Variants in TERF2 observed in about 807,000 individuals in gnomAD.
TERF2 encodes telomeric repeat-binding factor 2.
A neutral mutation model predicts 56.1 loss-of-function variants in TERF2; 16 were observed. The ratio of observed to expected loss-of-function variants is 0.29; its 90% CI spans 0.19 to 0.43. TERF2 has a LOEUF of 0.43. Ranked by LOEUF, TERF2 falls within the 20% of genes least tolerant of loss-of-function variation. The pLI, the probability that TERF2 is intolerant of heterozygous loss-of-function variation, is 1.00. For synonymous variants in TERF2, 296 were observed against 282.1 expected (o/e 1.05, Z -0.50); for missense variants, 547 against 712.9 (o/e 0.77, Z 2.65).
intron 3 of TERF2, among the ~76,000 whole-genome samples, chr16:69,375,615 GTTTT>G (rs886695600): frequency 4.6e-5 from 7 of 151,432 alleles, no homozygotes; most frequent in African/African-American, 1.7e-4. Context: ...TATAGTTAGG[GTTTT>G]TTTTTAATTA....
chr16:69,373,536 G>T (rs1000319754), intron 3 of TERF2, among the ~76,000 whole-genome samples: 2 of 152,148 alleles, frequency 1.3e-5, no homozygotes, highest in Admixed American at 6.5e-5. Context: ...ACAAAAAAAG[G>T]CAAGCCGACT....
chr16:69,361,042 G>A (rs2013118461), intron 8 of TERF2, among the ~76,000 whole-genome samples: 1 of 151,784 alleles, frequency 6.6e-6, no homozygotes, highest in East Asian at 1.9e-4. Flanking sequence ...AGACCAGCCT[G>A]AGCAACAAAG....
chr16:69,361,594 T>G (rs762470442), intron 7 of TERF2, 105 bp from the exon 8 acceptor site: 33 of 815,298 alleles, frequency 4.0e-5, no homozygotes, highest in Non-Finnish European at 6.4e-5. Context: ...TCCTGTCCCG[T>G]TGTGACCACA....
rs761993990 is a variant in TERF2 at position 69,367,059 on chromosome 16, G to A, written c.1088C>T (p.Pro363Leu). Residue 363 changes from proline to leucine, a missense_variant, in exon 7 of 10, where the codon CCA (proline) becomes CTA (leucine). Around this residue, in one of 6 missense-constraint regions of TERF2, gnomAD observed 211 missense variants for 236.8 expected, o/e 0.89. Coordinates refer to ENST00000254942, the MANE Select transcript of TERF2 (RefSeq NM_005652.5). ...KDLVLPTQALPASPALKNKRP... is the reference protein window; with the variant it reads ...KDLVLPTQALLASPALKNKRP... ...CTTGTTTTTGAGGGCTGGTGATGCT[G>A]GGAGAGCTTGAGTAGGAAGAACCAG... is the stretch of plus-strand genomic sequence containing the variant. 1.2e-6 allele frequency: 2 copies of A among 1,614,212 alleles called. No individual in the cohort carries two copies. The highest frequency in any genetic ancestry group is 4.5e-5 in the East Asian group (2 of 44,884).
intron 3 of TERF2, among the ~76,000 whole-genome samples, chr16:69,379,310 CA>C (rs1397466580): frequency 6.6e-6 from 1 of 152,210 alleles, no homozygotes; most frequent in Non-Finnish European, 1.5e-5. Flanking sequence ...AAAGTTCTAA[CA>C]GAGTGTATCT....
chr16:69,365,660 G>C (rs905910082), intron 7 of TERF2: 2 of 152,268 alleles, frequency 1.3e-5, no homozygotes, highest in African/African-American at 4.8e-5. Context: ...CAAGTAGCTG[G>C]GACTACAGGC....
chr16:69,366,941 G>C lies in TERF2; in HGVS notation c.1206C>G (p.Ser402Arg). Reference protein sequence around the residue: ...LQPKNKRMTISRLVLEEDSQS... With the variant: ...LQPKNKRMTIRRLVLEEDSQS... ...GGCTGTCCTCCTCCAAGACCAATCT[G>C]CTTATTGTCATGCGCTTGTTCTTGG... The change falls in exon 7 of 10, where the codon AGC becomes AGG. Residue 402 changes from serine to arginine, a missense_variant. Ser to Arg is a moderately radical substitution (Grantham distance 110). This residue lies in a region of TERF2 where 211 missense variants were observed against 236.8 expected (regional missense o/e 0.89). Transcript: ENST00000254942. 2 of 1,614,190 alleles carry C rather than the reference G, an allele frequency of 1.2e-6. No individual in the cohort carries two copies. The highest frequency in any genetic ancestry group is 1.7e-6 in the Non-Finnish European group (2 of 1,180,028).
At chr16:69,369,210 A>C (rs1224829548) in intron 5 of TERF2, among the ~76,000 whole-genome samples, 1 of 117,698 alleles carries the variant, frequency 8.5e-6, no homozygotes, top group Non-Finnish European at 1.8e-5. Flanking sequence ...CTGCTGCCTG[A>C]ATATCCCAAA....
At chr16:69,381,113 A>AT (rs1201023115) in intron 3 of TERF2, among the ~76,000 whole-genome samples, 1 of 152,100 alleles carries the variant, frequency 6.6e-6, no homozygotes, top group Non-Finnish European at 1.5e-5. Flanking sequence ...CCTAAAAAAT[A>AT]TTTTTTAAAT....
chr16:69,380,074 G>A (rs926613062), intron 3 of TERF2, among the ~76,000 whole-genome samples: 9 of 151,740 alleles, frequency 5.9e-5, no homozygotes, highest in African/African-American at 2.2e-4. Flanking sequence ...CCACACACCC[G>A]GCTAATTTTT....
At chr16:69,374,235 T>C (rs2013684698) in intron 3 of TERF2, among the ~76,000 whole-genome samples, 1 of 152,220 alleles carries the variant, frequency 6.6e-6, no homozygotes, top group Non-Finnish European at 1.5e-5. Flanking sequence ...TTAACTTGTT[T>C]AGGACATCTG....
chr16:69,356,692 C>G lies in TERF2; in HGVS notation c.*206G>C. On this transcript the variant is annotated 3_prime_UTR_variant, in exon 10 of 10. Transcript: ENST00000254942. ...GCGGGCGCCTGTAGTCCCAGCTACTCGGGAGGCTGAGGCAGGAGAATGGCG... is the reference window on the plus strand; with the variant it reads ...GCGGGCGCCTGTAGTCCCAGCTACTGGGGAGGCTGAGGCAGGAGAATGGCG... The G allele has an allele frequency of 2.1e-6, 1 of 480,508 alleles. No individual in the cohort carries two copies. Among genetic ancestry groups the G allele is most frequent in the East Asian group, 3.8e-5 (1 of 26,060 alleles). The allele number at this position is 480,508 out of a possible 1,614,324, so 29.8% of individuals were successfully genotyped here.
chr16:69,372,773 A>G (rs1043020935), intron 3 of TERF2, among the ~76,000 whole-genome samples: 2 of 152,138 alleles, frequency 1.3e-5, no homozygotes, highest in African/African-American at 4.8e-5. Context: ...CAAAAAAAAC[A>G]AACAAACAAT....
chr16:69,362,071 T>A (rs534354433), intron 7 of TERF2, among the ~76,000 whole-genome samples: 1 of 151,666 alleles, frequency 6.6e-6, no homozygotes, highest in East Asian at 1.9e-4. Flanking sequence ...AACAGTGGCA[T>A]CTATATGCCT....
intron 3 of TERF2, among the ~76,000 whole-genome samples, chr16:69,379,804 ATTTG>A (rs779684257): frequency 1.3e-5 from 2 of 152,332 alleles, no homozygotes; most frequent in Non-Finnish European, 2.9e-5. Context: ...GAAGGGTGAC[ATTTG>A]TTTTTCATTT....
At chr16:69,358,409 G>A (rs1406757227) in intron 8 of TERF2, among the ~76,000 whole-genome samples, 1 of 152,198 alleles carries the variant, frequency 6.6e-6, no homozygotes, top group Non-Finnish European at 1.5e-5. Flanking sequence ...GCCTCCCAAA[G>A]TGCTGGGATT....
intron 3 of TERF2, among the ~76,000 whole-genome samples, chr16:69,379,093 G>A (rs1050499053): frequency 3.9e-5 from 6 of 152,130 alleles, no homozygotes; most frequent in African/African-American, 1.4e-4. Flanking sequence ...TTAAATAAAA[G>A]GGAAATTCCA....
At chr16:69,368,596 C>G (rs2013441057) in intron 5 of TERF2, 114 bp from the exon 6 acceptor site, 1 of 1,549,908 alleles carries the variant, frequency 6.5e-7, no homozygotes. Context: ...CAAATCCAAT[C>G]TAGGCATAAA....
At chr16:69,366,558 A>G (rs2013351738) in intron 7 of TERF2, 1 of 490,792 alleles carries the variant, frequency 2.0e-6, no homozygotes, top group African/African-American at 1.9e-5. Context: ...AGCGATGAGT[A>G]GGAGGCTCTG....
Sources: allele counts gnomAD v4.1 joint callset (sites outside exome capture counted in the v4.1 genomes callset), GRCh38; gene constraint gnomAD v4.1.1; regional missense constraint gnomAD v4.1.1; transcripts MANE v1.5; gene names NCBI Gene and HGNC (gene_info 2026-07-23, HGNC 2026-07-21).